LCMT1: variants seen among roughly 807,000 people sequenced by gnomAD.
LCMT1 encodes the protein leucine carboxyl methyltransferase 1.
In LCMT1, 32 loss-of-function variants were observed where a neutral mutation model predicts 47.7. The ratio of observed to expected loss-of-function variants is 0.67; its 90% CI spans 0.51 to 0.90. The LOEUF is 0.90. LCMT1 is among the 40% of genes least tolerant of loss of function. The probability of loss-of-function intolerance (pLI) is 0.00; values close to 1 mark genes in which losing one functional copy is unlikely to be tolerated. For synonymous variants in LCMT1, 152 were observed against 149.7 expected (o/e 1.02, Z -0.11); for missense variants, 375 against 415.2 (o/e 0.90, Z 0.84).
At chr16:25,161,359 C>CT (rs377602015) in intron 6 of LCMT1, among the ~76,000 whole-genome samples, 155 bp downstream of exon 6, 2,176 of 141,834 alleles carry the variant, frequency 0.015, 44 homozygotes, top group African/African-American at 0.05. Flanking sequence ...GAAAAAAATT[C>CT]TTTTTTTTTT....
intron 3 of LCMT1, among the ~76,000 whole-genome samples, chr16:25,137,323 T>G (rs1278103329): frequency 6.6e-6 from 1 of 152,084 alleles, no homozygotes; most frequent in Non-Finnish European, 1.5e-5. Context: ...CGTGAGCCAC[T>G]GCACCTGGCC....
chr16:25,123,305 A>G (rs564858545), intron 1 of LCMT1, among the ~76,000 whole-genome samples: 2 of 147,774 alleles, frequency 1.4e-5, no homozygotes, highest in Non-Finnish European at 3.0e-5. Context: ...GCTCACTGCA[A>G]CCTCCACCTC....
At chr16:25,156,852 T>C (rs1449068547) in intron 5 of LCMT1, among the ~76,000 whole-genome samples, 1 of 152,048 alleles carries the variant, frequency 6.6e-6, no homozygotes, top group Non-Finnish European at 1.5e-5. Flanking sequence ...AGGACTTGGC[T>C]CAGTGCCCCA....
At chr16:25,160,912 A>G (rs1961409786) in intron 5 of LCMT1, 190 bp from the exon 6 acceptor site, 1 of 646,538 alleles carries the variant, frequency 1.5e-6, no homozygotes, top group Admixed American at 2.2e-5. Flanking sequence ...AAAGGCTGAA[A>G]TGTTACACAC....
chr16:25,136,654 A>G (rs964547295), intron 3 of LCMT1, among the ~76,000 whole-genome samples: 1 of 151,964 alleles, frequency 6.6e-6, no homozygotes, highest in Non-Finnish European at 1.5e-5. Context: ...GGTTCAAGCG[A>G]TTCTCCTGCC....
At chr16:25,151,251 T>A (rs1249446855) in intron 4 of LCMT1, among the ~76,000 whole-genome samples, 3 of 152,226 alleles carry the variant, frequency 2.0e-5, no homozygotes, top group Admixed American at 1.3e-4. Context: ...CTTGTTAGGT[T>A]ATCTTTAGCT....
intron 5 of LCMT1, chr16:25,160,889 A>C (rs1232331480): frequency 4.7e-6 from 3 of 639,532 alleles, no homozygotes; most frequent in Non-Finnish European, 8.7e-6. Context: ...TAATAACTTA[A>C]GCACATAGGA....
At chr16:25,123,223 C>CTT (rs750991801) in intron 1 of LCMT1, among the ~76,000 whole-genome samples, 1,425 of 116,150 alleles carry the variant, frequency 0.012, 51 homozygotes, top group Middle Eastern at 0.024. Flanking sequence ...TATATAACTT[C>CTT]TTTTTTTTTT....
rs528554771 is a variant in LCMT1 at position 25,177,746 on chromosome 16, A to G, written c.983-255A>G. On this transcript the variant is annotated intron_variant, in intron 10 of 10. Transcript: ENST00000399069. ...GCTCAAAGTTCAGCACATAAAGGGT[A>G]GATTTTTGGCGTTAACTGCAGACAG... 2.6e-5 allele frequency among the ~76,000 whole-genome samples: 4 copies of G among 152,368 alleles called. No homozygotes were observed. In the East Asian group the frequency reaches 5.8e-4, roughly 22 times the overall value.
chr16:25,156,418 A>C (rs1202385774), intron 5 of LCMT1, among the ~76,000 whole-genome samples: 1 of 152,186 alleles, frequency 6.6e-6, no homozygotes, highest in Non-Finnish European at 1.5e-5. Flanking sequence ...TGAATGGATG[A>C]ATGTGTTTGT....
chr16:25,117,844 T>C (rs868782380), intron 1 of LCMT1, among the ~76,000 whole-genome samples: 2 of 145,862 alleles, frequency 1.4e-5, no homozygotes, highest in Middle Eastern at 3.6e-3. Flanking sequence ...AGAGAGAGAC[T>C]CCGTCTCAAA....
At chr16:25,140,620 C>T (rs935555889) in intron 4 of LCMT1, 2 of 189,232 alleles carry the variant, frequency 1.1e-5, no homozygotes, top group African/African-American at 2.3e-5. Context: ...TTTTTATTAG[C>T]GAAACTTGGG....
At chr16:25,166,003 C>T (rs1383383507) in intron 7 of LCMT1, among the ~76,000 whole-genome samples, 2 of 151,950 alleles carry the variant, frequency 1.3e-5, no homozygotes, top group African/African-American at 2.4e-5. Flanking sequence ...TGCGGTGGCT[C>T]ACGCCTGTGA....
intron 5 of LCMT1, among the ~76,000 whole-genome samples, chr16:25,156,872 G>T (rs1481940242): frequency 6.6e-6 from 1 of 151,056 alleles, no homozygotes; most frequent in Non-Finnish European, 1.5e-5. Flanking sequence ...ATGAGTGTCA[G>T]TTGGGTGGTC....
chr16:25,155,112 A>G (rs1378578904), intron 5 of LCMT1, among the ~76,000 whole-genome samples: 1 of 152,228 alleles, frequency 6.6e-6, no homozygotes, highest in Admixed American at 6.5e-5. Flanking sequence ...GCCGACACTT[A>G]AGCTGACACA....
At chr16:25,173,628 C>G (rs939197465) in intron 9 of LCMT1, among the ~76,000 whole-genome samples, 1 of 152,042 alleles carries the variant, frequency 6.6e-6, no homozygotes, top group Non-Finnish European at 1.5e-5. Context: ...GATCCTGTTT[C>G]TTTTTTTATT....
chr16:25,125,218 T>C (rs139792385), intron 1 of LCMT1, among the ~76,000 whole-genome samples: 34 of 152,342 alleles, frequency 2.2e-4, no homozygotes, highest in African/African-American at 8.2e-4. Flanking sequence ...CACTTTGGTG[T>C]CTGCTGTGGG....
intron 5 of LCMT1, among the ~76,000 whole-genome samples, chr16:25,157,561 A>G (rs1325126005): frequency 2.0e-5 from 3 of 151,498 alleles, no homozygotes; most frequent in Admixed American, 2.0e-4. Flanking sequence ...AGCAACAACA[A>G]TAAAAAAAAA....
At chr16:25,175,074 T>C (rs1193755151) in intron 10 of LCMT1, 40 bp downstream of exon 10, 1 of 1,099,982 alleles carries the variant, frequency 9.1e-7, no homozygotes, top group Non-Finnish European at 1.4e-6. Flanking sequence ...CTGGAAATAG[T>C]GAACTTTTCT....
Sources: gnomAD v4.1 joint callset for allele counts (sites outside exome capture counted in the v4.1 genomes callset) on GRCh38, gnomAD v4.1.1 for gene constraint, MANE v1.5 for transcripts, NCBI Gene and HGNC (gene_info 2026-07-23, HGNC 2026-07-21) for gene names.